The following CELF2 variants were observed in gnomAD, a reference collection of about 807,000 sequenced individuals.
CELF2 encodes the protein CUGBP Elav-like family member 2.
A neutral mutation model predicts 62.6 loss-of-function variants in CELF2; 8 were observed. The ratio of observed to expected loss-of-function variants is 0.13; its 90% CI spans 0.07 to 0.23. CELF2 has a LOEUF of 0.23. Ranked by LOEUF, CELF2 falls within the 10% of genes least tolerant of loss-of-function variation. The pLI is 1.00. For synonymous variants in CELF2, 258 were observed against 250.0 expected (o/e 1.03, Z -0.30); for missense variants, 333 against 671.0 (o/e 0.50, Z 5.56).
intron 1 of CELF2, among the ~76,000 whole-genome samples, chr10:10,835,792 A>C (rs2058240871): frequency 1.3e-5 from 2 of 152,196 alleles, no homozygotes; most frequent in Admixed American, 1.3e-4. Context: ...TCATGATTTC[A>C]TGGGGGACAC....
the CELF2 span, among the ~76,000 whole-genome samples, chr10:10,472,444 C>A: frequency 6.6e-6 from 1 of 151,706 alleles, no homozygotes. Context: ...AAATTTAATT[C>A]TCTGGAGGTT....
chr10:10,673,257 A>C, the CELF2 span, among the ~76,000 whole-genome samples: 25 of 152,190 alleles, frequency 1.6e-4, no homozygotes, highest in African/African-American at 5.8e-4. Flanking sequence ...TCCTTTCGCT[A>C]TCTGTATGTA....
intron 1 of CELF2, among the ~76,000 whole-genome samples, chr10:11,152,413 TAAAAA>T (rs549462786): frequency 1.4e-5 from 2 of 143,510 alleles, no homozygotes; most frequent in African/African-American, 5.1e-5. Flanking sequence ...AGTTGTTAAA[TAAAAA>T]AAAAAAATCT....
At chr10:11,197,023 A>G (rs868525337) in intron 2 of CELF2, among the ~76,000 whole-genome samples, 474 of 9,274 alleles carry the variant, frequency 0.051, 58 homozygotes, top group African/African-American at 0.16. Flanking sequence ...AAAGAAAGAA[A>G]GAAAAGAAAG....
At chr10:10,823,973 G>A (rs892308934) in intron 1 of CELF2, among the ~76,000 whole-genome samples, 6 of 148,930 alleles carry the variant, frequency 4.0e-5, no homozygotes, top group Non-Finnish European at 7.4e-5. Flanking sequence ...GCAGATGATA[G>A]ATAGATAGAT....
At chr10:11,249,308 A>G in intron 4 of CELF2, 107 bp downstream of exon 4, 4 of 863,978 alleles carry the variant, frequency 4.6e-6, no homozygotes, top group Non-Finnish European at 7.8e-6. Flanking sequence ...TCTCTAGAGG[A>G]CAGAGAGCGC....
At chr10:10,708,272 T>G in the CELF2 span, among the ~76,000 whole-genome samples, 9 of 152,240 alleles carry the variant, frequency 5.9e-5, no homozygotes, top group South Asian at 1.2e-3. Flanking sequence ...CAGAAGACAC[T>G]CTGGAATGCT....
upstream of CELF2, among the ~76,000 whole-genome samples, chr10:11,013,709 A>G (rs990074279): frequency 3.3e-5 from 5 of 152,242 alleles, no homozygotes; most frequent in Admixed American, 1.3e-4. The surrounding 1 kb of genome is among the most constrained non-coding windows in gnomAD (Gnocchi z 4.1). Context: ...TTTTACTTAA[A>G]TCGCCTTAGA....
the CELF2 span, among the ~76,000 whole-genome samples, chr10:10,563,024 A>T: frequency 6.6e-6 from 1 of 152,170 alleles, no homozygotes; most frequent in Non-Finnish European, 1.5e-5. Flanking sequence ...TTCTTTTATT[A>T]AAACCTCTGG....
intron 2 of CELF2, among the ~76,000 whole-genome samples, chr10:10,989,466 T>C (rs2053189910): frequency 6.6e-6 from 1 of 152,032 alleles, no homozygotes; most frequent in African/African-American, 2.4e-5. Context: ...AAGGACTGCA[T>C]CATAAATGAT....
At chr10:10,795,932 C>T (rs964336228), upstream of CELF2, among the ~76,000 whole-genome samples, 2 of 152,040 alleles carry the variant, frequency 1.3e-5, no homozygotes, top group African/African-American at 4.8e-5. Flanking sequence ...TCCTCTTACC[C>T]ATCCCTATCC....
the CELF2 span, among the ~76,000 whole-genome samples, chr10:10,640,997 C>A: frequency 6.6e-6 from 1 of 152,192 alleles, no homozygotes; most frequent in Middle Eastern, 3.4e-3. Context: ...GTATGATAAA[C>A]CGTCTTTAAG....
At chr10:11,006,919 CG>C (rs1482521289) in intron 1 of CELF2, among the ~76,000 whole-genome samples, 1 of 152,074 alleles carries the variant, frequency 6.6e-6, no homozygotes, top group Non-Finnish European at 1.5e-5. Context: ...GTGAAGCTTT[CG>C]ACAGAGAAAA....
the CELF2 span, among the ~76,000 whole-genome samples, chr10:10,572,479 G>A: frequency 6.6e-6 from 1 of 151,960 alleles, no homozygotes; most frequent in Non-Finnish European, 1.5e-5. Flanking sequence ...GCATGCATCA[G>A]CTATTTTCCC....
At chr10:10,760,680 G>T in the CELF2 span, among the ~76,000 whole-genome samples, 16 of 152,296 alleles carry the variant, frequency 1.1e-4, no homozygotes, top group East Asian at 3.1e-3. Flanking sequence ...CTAGTGAAAT[G>T]ACATGTCCGC....
intron 1 of CELF2, among the ~76,000 whole-genome samples, chr10:10,894,206 A>G (rs1326285375): frequency 1.3e-5 from 2 of 152,214 alleles, no homozygotes; most frequent in Non-Finnish European, 2.9e-5. Context: ...TTTGGGCAAG[A>G]GGCCAATATT....
chr10:10,870,072 C>G (rs2060639238), intron 1 of CELF2, among the ~76,000 whole-genome samples: 1 of 152,086 alleles, frequency 6.6e-6, no homozygotes, highest in African/African-American at 2.4e-5. Flanking sequence ...AACTTACTTG[C>G]AAAGAAATAG....
intron 1 of CELF2, among the ~76,000 whole-genome samples, chr10:11,036,528 A>T (rs1228763764): frequency 6.6e-6 from 1 of 152,214 alleles, no homozygotes; most frequent in Non-Finnish European, 1.5e-5. Flanking sequence ...TGCTAAACAT[A>T]AAAGTAGACA....
At chr10:10,828,369 A>T (rs920520349) in intron 1 of CELF2, among the ~76,000 whole-genome samples, 1 of 152,222 alleles carries the variant, frequency 6.6e-6, no homozygotes, top group Non-Finnish European at 1.5e-5. Flanking sequence ...TACAACACGG[A>T]TGGACCTTAT....
Sources: gnomAD v4.1 joint callset for allele counts (sites outside exome capture counted in the v4.1 genomes callset) on GRCh38, gnomAD v4.1.1 for gene constraint, Gnocchi (gnomAD v3.1) non-coding constraint, MANE v1.5 for transcripts, NCBI Gene and HGNC (gene_info 2026-07-23, HGNC 2026-07-21) for gene names.